Variants in PCDHA8 observed in about 807,000 individuals in gnomAD.
PCDHA8 encodes protocadherin alpha-8.
In PCDHA8, 53 loss-of-function variants were observed where a neutral mutation model predicts 61.8. The ratio of observed to expected loss-of-function variants is 0.86; its 90% CI spans 0.69 to 1.08. The LOEUF (loss-of-function observed/expected upper bound fraction) is 1.08. Ranked by LOEUF, PCDHA8 falls within the 50% of genes least tolerant of loss-of-function variation. The pLI is 0.00. For synonymous variants in PCDHA8, 618 were observed against 556.6 expected (o/e 1.11, Z -1.55); for missense variants, 1,293 against 1,245.0 (o/e 1.04, Z -0.58).
intron 1 of PCDHA8, among the ~76,000 whole-genome samples, chr5:140,944,623 T>C (rs535315515): frequency 6.6e-6 from 1 of 152,320 alleles, no homozygotes; most frequent in East Asian, 1.9e-4. Flanking sequence ...AGAAGTATAG[T>C]GTTGTAAGCC....
intron 1 of PCDHA8, chr5:140,875,470 G>T: frequency 6.2e-7 from 1 of 1,605,786 alleles, no homozygotes; most frequent in Non-Finnish European, 8.5e-7. Context: ...CTCATTTTCT[G>T]CAATGGTGAT....
chr5:140,879,123 G>C (rs895703047), intron 1 of PCDHA8, among the ~76,000 whole-genome samples: 18 of 152,310 alleles, frequency 1.2e-4, no homozygotes, highest in South Asian at 4.1e-4. Context: ...AAGGATTAGA[G>C]CAGGGGAGAT....
intron 1 of PCDHA8, among the ~76,000 whole-genome samples, chr5:140,971,892 G>C (rs2096504766): frequency 6.6e-6 from 1 of 151,694 alleles, no homozygotes; most frequent in African/African-American, 2.4e-5. Context: ...AGCTCAGGGA[G>C]GTTAGGTAAT....
rs782699904 is a variant in PCDHA8 at position 140,969,414 on chromosome 5, G to A, written c.2395-9535G>A. The A allele has an allele frequency of 6.4e-6, 10 of 1,566,012 alleles. No homozygotes were observed. The Admixed American group carries it at 1.3e-4, about 21-fold the overall frequency. On this transcript the variant is annotated intron_variant, in intron 1 of 3. Coordinates refer to ENST00000531613, the MANE Select transcript of PCDHA8 (RefSeq NM_018911.3). ...ATATCCTGTGATTTGGCTTTATTGA[G>A]TCATTAACAGTGACAAGAGTTATCT...
rs560557725 is a variant in PCDHA8, at chr5:141,005,418, G to T, written c.2543-4209G>T. Among the ~76,000 whole-genome samples, 149 of 152,250 alleles carry T rather than the reference G, an allele frequency of 9.8e-4. 1 individual carries two copies. The highest frequency in any genetic ancestry group is 3.5e-3 in the African/African-American group (145 of 41,544). On this transcript the variant is annotated intron_variant, in intron 3 of 3. Transcript: ENST00000531613. ...ACAGACTTGAAGAGTGAGGAGTCAT[G>T]CTAAGAATGGATGAGAGGCTCACGC...
At chr5:140,876,483 G>T (rs373900620) in intron 1 of PCDHA8, 1 of 1,614,004 alleles carries the variant, frequency 6.2e-7, no homozygotes, top group Non-Finnish European at 8.5e-7. Flanking sequence ...GCATGGTCCT[G>T]GTGGAAGTTC....
chr5:140,885,642 A>G (rs2060672494), intron 1 of PCDHA8, among the ~76,000 whole-genome samples: 1 of 152,170 alleles, frequency 6.6e-6, no homozygotes, highest in Non-Finnish European at 1.5e-5. Flanking sequence ...CCTTCCAAGT[A>G]TTTTGGAACC....
At chr5:140,871,190 A>G (rs1554165248) in intron 1 of PCDHA8, 9 of 1,613,526 alleles carry the variant, frequency 5.6e-6, no homozygotes, top group Admixed American at 3.3e-5. Flanking sequence ...GTGGATGTCA[A>G]CGTGTACCTG....
intron 3 of PCDHA8, among the ~76,000 whole-genome samples, chr5:140,985,692 C>T (rs1208331191): frequency 6.6e-6 from 1 of 151,060 alleles, no homozygotes; most frequent in Non-Finnish European, 1.5e-5. Flanking sequence ...CGCTAATCCT[C>T]GTTCATATGT....
At chr5:140,888,551 T>G (rs2061873493) in intron 1 of PCDHA8, among the ~76,000 whole-genome samples, 1 of 152,240 alleles carries the variant, frequency 6.6e-6, no homozygotes, top group Admixed American at 6.5e-5. Flanking sequence ...TACCAATTTA[T>G]TCCTTTCAAG....
chr5:140,971,487 C>G (rs1285006281), intron 1 of PCDHA8, among the ~76,000 whole-genome samples: 1 of 152,110 alleles, frequency 6.6e-6, no homozygotes, highest in African/African-American at 2.4e-5. Flanking sequence ...CACATTGTTA[C>G]AGTGTGGCAA....
At chr5:140,898,677 T>C (rs1197350501) in intron 1 of PCDHA8, among the ~76,000 whole-genome samples, 2 of 152,222 alleles carry the variant, frequency 1.3e-5, no homozygotes, top group Non-Finnish European at 2.9e-5. Flanking sequence ...TTGCGGGCTG[T>C]TTTTTGGTTC....
rs781886107 is a variant in PCDHA8 at position 140,870,037 on chromosome 5, A to G, written c.2394+26322A>G. 6.2e-7 allele frequency: 1 copy of G among 1,613,778 alleles called. No individual in the cohort carries two copies. The highest frequency in any genetic ancestry group is 1.7e-5 in the Admixed American group (1 of 60,026). On this transcript the variant is annotated intron_variant, in intron 1 of 3. Coordinates refer to ENST00000531613, the MANE Select transcript of PCDHA8 (RefSeq NM_018911.3). ...CAATGGAACTTTAGATTATGAAGAA[A>G]ACAAGTTTTATAAAATTGAAGTACA... is the stretch of plus-strand genomic sequence containing the variant.
intron 1 of PCDHA8, chr5:140,927,763 G>C (rs1554205034): frequency 6.2e-7 from 1 of 1,614,198 alleles, no homozygotes; most frequent in African/African-American, 1.3e-5. Context: ...CCCTAAAAGT[G>C]GGGAGGTGCA....
At chr5:140,995,000 T>A (rs149795080) in intron 3 of PCDHA8, among the ~76,000 whole-genome samples, 1 of 152,328 alleles carries the variant, frequency 6.6e-6, no homozygotes, top group African/African-American at 2.4e-5. Flanking sequence ...GTTAGTTGGT[T>A]TGTTTATATT....
intron 1 of PCDHA8, chr5:140,969,441 G>T (rs1554231808): frequency 1.9e-6 from 3 of 1,543,640 alleles, no homozygotes; most frequent in Non-Finnish European, 2.6e-6. Flanking sequence ...GAGTTATCTG[G>T]TAAACTGAGT....
At chr5:140,873,336 C>A (rs1436932142) in intron 1 of PCDHA8, among the ~76,000 whole-genome samples, 1 of 152,168 alleles carries the variant, frequency 6.6e-6, no homozygotes, top group African/African-American at 2.4e-5. Flanking sequence ...ATACATTACT[C>A]ATCTCCAGAT....
At chr5:140,928,508 T>G in intron 1 of PCDHA8, 1 of 1,614,174 alleles carries the variant, frequency 6.2e-7, no homozygotes, top group Non-Finnish European at 8.5e-7. Flanking sequence ...AGTGCAACAG[T>G]GACTATAAAC....
chr5:140,973,078 C>T (rs111586419), intron 1 of PCDHA8, among the ~76,000 whole-genome samples: 5,544 of 152,208 alleles, frequency 0.036, 303 homozygotes, highest in African/African-American at 0.12. Context: ...GTGGGCCCAG[C>T]TGGCACAACA....
Sources: gnomAD v4.1 joint callset for allele counts (sites outside exome capture counted in the v4.1 genomes callset) on GRCh38, gnomAD v4.1.1 for gene constraint, MANE v1.5 for transcripts, NCBI Gene and HGNC (gene_info 2026-07-23, HGNC 2026-07-21) for gene names.